The following ADCYAP1R1 variants were observed in gnomAD, a reference collection of about 807,000 sequenced individuals.
The protein encoded by ADCYAP1R1 is pituitary adenylate cyclase-activating polypeptide type I receptor.
In ADCYAP1R1, 44 loss-of-function variants were observed where a neutral mutation model predicts 67.6. The observed-to-expected ratio is 0.65, with a 90% CI of 0.51 to 0.84. The LOEUF (loss-of-function observed/expected upper bound fraction) is 0.84, where lower values mean the gene tolerates loss of function less well. Ranked by LOEUF, ADCYAP1R1 falls within the 40% of genes least tolerant of loss-of-function variation. The probability of loss-of-function intolerance (pLI) is 0.00; values close to 1 mark genes in which losing one functional copy is unlikely to be tolerated. For synonymous variants in ADCYAP1R1, 222 were observed against 219.6 expected, an observed-to-expected ratio of 1.01 and a Z score of -0.10; for missense variants, 477 against 587.9, an observed-to-expected ratio of 0.81 and a Z score of 1.95.
In ADCYAP1R1 at chr7:31,086,253, A is replaced by T; in HGVS notation, c.670-131A>T. Reference sequence around the variant, plus strand: ...GCTGCAATTTTCAACTCTTTGATCCAGGAATATTGACTCTCTTAGATCCTT... The same window carrying T: ...GCTGCAATTTTCAACTCTTTGATCCTGGAATATTGACTCTCTTAGATCCTT... On this transcript the variant is annotated intron_variant, in intron 9 of 15. Transcript: ENST00000304166. This position sits in a 1 kb window ranked among gnomAD's most constrained non-coding sequence, Gnocchi z 5.0. The T allele has an allele frequency of 2.0e-6, 2 of 986,524 alleles. No individual in the cohort carries two copies. The highest frequency in any genetic ancestry group is 2.9e-6 in the Non-Finnish European group (2 of 683,550). The allele number at this position is 986,524 out of a possible 1,614,324, so 61.1% of individuals were successfully genotyped here.
At position 31,085,371 on chromosome 7, in the gene ADCYAP1R1, G is replaced by A; in HGVS notation, c.598G>A (p.Ala200Thr). The A allele has an allele frequency of 6.2e-7, 1 of 1,614,082 alleles. No homozygotes were observed. Among genetic ancestry groups the A allele is most frequent in the Non-Finnish European group, 8.5e-7 (1 of 1,180,022 alleles). ...MNLFVSFMLR[A>T]ISVFIKDWIL... The stretch of plus-strand genomic sequence containing the variant: ...CCTGTTTGTGTCGTTCATGCTGAGG[G>A]CGATCTCCGTCTTCATCAAAGACTG... The change falls in exon 9 of 16, where the codon GCG becomes ACG. Residue 200 changes from alanine to threonine, a missense_variant. By Grantham distance (58) the Ala-to-Thr change is moderately conservative. Transcript: ENST00000304166.
chr7:31,079,542 CCT>C (rs1795426977), intron 4 of ADCYAP1R1, among the ~76,000 whole-genome samples: 1 of 152,240 alleles, frequency 6.6e-6, no homozygotes, highest in Non-Finnish European at 1.5e-5. Flanking sequence ...GCTGCAGTCC[CCT>C]GTCTTCTCTG....
At chr7:31,090,047 T>A (rs1347099539) in intron 12 of ADCYAP1R1, among the ~76,000 whole-genome samples, 1 of 152,198 alleles carries the variant, frequency 6.6e-6, no homozygotes, top group Non-Finnish European at 1.5e-5. Context: ...TTCTTTTTTT[T>A]ATTTGCCTTG....
At chr7:31,098,940 A>G (rs1264376681) in intron 13 of ADCYAP1R1, among the ~76,000 whole-genome samples, 1 of 152,226 alleles carries the variant, frequency 6.6e-6, no homozygotes, top group African/African-American at 2.4e-5. Flanking sequence ...ACTCAGAGCC[A>G]TGTGGTACCT....
At position 31,110,338 on chromosome 7, in the gene ADCYAP1R1, G is replaced by A. The variant is rs970135661; in HGVS notation, c.*3654G>A. ...GGAGCAAGGACTTGGGCTTCTCCAC[G>A]CTTTGCTCCTGGCTTGTTTGACCTT... On this transcript the variant is annotated 3_prime_UTR_variant, in exon 16 of 16. Transcript: ENST00000304166. 3 of 152,132 alleles carry A rather than the reference G, an allele frequency of 2.0e-5. No individual in the cohort carries two copies. The highest frequency in any genetic ancestry group is 1.3e-4 in the Admixed American group (2 of 15,276). 9.4% of individuals were successfully genotyped at this position (152,132 alleles called of 1,614,324 possible). A position where few individuals can be genotyped will look rare whatever the true frequency, so the allele number is the denominator to read the frequency against.
chr7:31,065,009 C>A, intron 3 of ADCYAP1R1, 73 bp downstream of exon 3: 1 of 1,202,880 alleles, frequency 8.3e-7, no homozygotes, highest in Non-Finnish European at 1.2e-6. Flanking sequence ...TGCTCAGGCT[C>A]GGCCAGTGAG....
chr7:31,066,621 A>T (rs1251710243), intron 3 of ADCYAP1R1, among the ~76,000 whole-genome samples: 1 of 149,734 alleles, frequency 6.7e-6, no homozygotes, highest in East Asian at 1.9e-4. Context: ...CTGGCTGCAC[A>T]TCTGAATCAC....
intron 13 of ADCYAP1R1, among the ~76,000 whole-genome samples, chr7:31,101,361 T>C (rs1483886853): frequency 6.6e-6 from 1 of 152,118 alleles, no homozygotes; most frequent in Non-Finnish European, 1.5e-5. Flanking sequence ...CCAGGGCCCT[T>C]TTTAGACTAC....
At chr7:31,087,095 C>G (rs918390200) in intron 11 of ADCYAP1R1, 92 bp downstream of exon 11, 1 of 1,395,460 alleles carries the variant, frequency 7.2e-7, no homozygotes, top group Non-Finnish European at 1.0e-6. Flanking sequence ...ATGAACTGCC[C>G]GCAACAAACC....
chr7:31,100,093 C>A (rs1436344045), intron 13 of ADCYAP1R1: 1 of 1,544,954 alleles, frequency 6.5e-7, no homozygotes, highest in Admixed American at 2.0e-5. Flanking sequence ...TGGTGCCCCC[C>A]AGCTGACAGA....
chr7:31,058,488 A>C (rs935443714), intron 1 of ADCYAP1R1, among the ~76,000 whole-genome samples: 1 of 152,102 alleles, frequency 6.6e-6, no homozygotes, highest in African/African-American at 2.4e-5. Context: ...ATTCCCTTAC[A>C]GTCCAGGTAT....
At chr7:31,099,880 A>G (rs1434680595) in intron 13 of ADCYAP1R1, among the ~76,000 whole-genome samples, 3 of 152,142 alleles carry the variant, frequency 2.0e-5, no homozygotes, top group Non-Finnish European at 4.4e-5. Flanking sequence ...CCCACCTAGC[A>G]GTGGTCCCAG....
intron 15 of ADCYAP1R1, among the ~76,000 whole-genome samples, chr7:31,106,127 T>C (rs1055480487): frequency 1.1e-4 from 16 of 152,244 alleles, no homozygotes; most frequent in Non-Finnish European, 2.4e-4. Context: ...TAGCCCACTC[T>C]TACTGGTCAG....
chr7:31,081,879 G>A, intron 6 of ADCYAP1R1, 125 bp downstream of exon 6: 1 of 695,644 alleles, frequency 1.4e-6, no homozygotes, highest in Non-Finnish European at 2.3e-6. Flanking sequence ...TCTTTGGCAG[G>A]TGACTTTTTT....
At chr7:31,093,128 T>C (rs771027393) in intron 13 of ADCYAP1R1, among the ~76,000 whole-genome samples, 1 of 152,198 alleles carries the variant, frequency 6.6e-6, no homozygotes, top group Non-Finnish European at 1.5e-5. Context: ...TGTTGCCTGA[T>C]ATTCCGACCC....
At position 31,092,610 on chromosome 7, in the gene ADCYAP1R1, A is replaced by G. The variant is rs934629078; in HGVS notation, c.955-34A>G. On this transcript the variant is annotated intron_variant, in intron 12 of 15. Coordinates refer to ENST00000304166, the MANE Select transcript of ADCYAP1R1 (RefSeq NM_001118.5). ...AATAATAGCATCTTTGCCCAGAATCATGTCCATCTGCTTTTTTTTTTTTTG... is the reference window on the plus strand; with the variant it reads ...AATAATAGCATCTTTGCCCAGAATCGTGTCCATCTGCTTTTTTTTTTTTTG... The G allele has an allele frequency of 2.6e-6, 4 of 1,534,684 alleles. No individual in the cohort carries two copies. In the East Asian group the frequency reaches 6.8e-5, roughly 26 times the overall value.
At position 31,065,329 on chromosome 7, in the gene ADCYAP1R1, T is replaced by TG. The variant is rs575779874; in HGVS notation, c.157+397dup. Among the ~76,000 whole-genome samples, 6 of 152,210 alleles carry TG rather than the reference T, an allele frequency of 3.9e-5. No homozygotes were observed. The South Asian group carries it at 8.3e-4, about 21-fold the overall frequency. On this transcript the variant is annotated intron_variant, in intron 3 of 15. Coordinates refer to ENST00000304166, the MANE Select transcript of ADCYAP1R1 (RefSeq NM_001118.5). Reference sequence around the variant, plus strand: ...CTTGGTCAACCCAGGGCAGGAAACGTGGGGTCCTTTCCCACCTCTTCTGCT... The same window carrying TG: ...CTTGGTCAACCCAGGGCAGGAAACGTGGGGGTCCTTTCCCACCTCTTCTGCT...
rs1562666839 is a variant in ADCYAP1R1, at chr7:31,110,637, G to A, written c.*3953G>A. The A allele has an allele frequency of 6.5e-6, 1 of 152,906 alleles. No homozygotes were observed. Among genetic ancestry groups the A allele is most frequent in the Admixed American group, 6.5e-5 (1 of 15,302 alleles). The allele number at this position is 152,906 out of a possible 1,614,324, so 9.5% of individuals were successfully genotyped here. ...TAACCTTGCACAGGAGTGGGGCTCT[G>A]GTGACCGAAGGTTGTCCAGGACTCT... On this transcript the variant is annotated 3_prime_UTR_variant, in exon 16 of 16. Coordinates refer to ENST00000304166, the MANE Select transcript of ADCYAP1R1 (RefSeq NM_001118.5).
At position 31,106,495 on chromosome 7, in the gene ADCYAP1R1, G is replaced by T; in HGVS notation, c.1219-1G>T. ...GTGACCGCCCAGTTTGCTCCCTGCA[G>T]GTACAAGCGGAGATCAAGCGAAAAT... On this transcript the variant is annotated splice_acceptor_variant, in intron 15 of 15. Transcript: ENST00000304166. LOFTEE classifies it high-confidence loss of function. The T allele has an allele frequency of 1.2e-6, 2 of 1,603,262 alleles. No individual in the cohort carries two copies. The highest frequency in any genetic ancestry group is 1.7e-6 in the Non-Finnish European group (2 of 1,174,494).
Sources: allele counts gnomAD v4.1 joint callset (sites outside exome capture counted in the v4.1 genomes callset), GRCh38; gene constraint gnomAD v4.1.1; non-coding constraint Gnocchi (gnomAD v3.1); transcripts MANE v1.5; gene names NCBI Gene and HGNC (gene_info 2026-07-23, HGNC 2026-07-21).